LARS2: variants seen among roughly 807,000 people sequenced by gnomAD.
LARS2 encodes leucyl-tRNA synthetase 2, mitochondrial.
A neutral mutation model predicts 116.6 loss-of-function variants in LARS2; 81 were observed. That is an observed-to-expected ratio of 0.69 (90% confidence interval 0.58 to 0.84). The LOEUF is 0.84. Ranked by LOEUF, LARS2 falls within the 40% of genes least tolerant of loss-of-function variation. LARS2 has a pLI of 0.00. For missense variants in LARS2, 968 were observed against 1,114.5 expected, an observed-to-expected ratio of 0.87 and a Z score of 1.87; for synonymous variants, 396 against 407.2, an observed-to-expected ratio of 0.97 and a Z score of 0.33.
chr3:45,401,712 C>T (rs1041633217), intron 4 of LARS2, among the ~76,000 whole-genome samples: 16 of 152,060 alleles, frequency 1.1e-4, no homozygotes, highest in Non-Finnish European at 2.9e-5. Context: ...CCTCGACCTC[C>T]CAGGCTCAAC....
At chr3:45,541,344 C>T (rs989911869) in intron 20 of LARS2, among the ~76,000 whole-genome samples, 3 of 152,088 alleles carry the variant, frequency 2.0e-5, no homozygotes, top group Non-Finnish European at 4.4e-5. Flanking sequence ...GGTTAGGATC[C>T]CCCTGCACGT....
In LARS2 at chr3:45,500,559, T is replaced by A; in HGVS notation, c.1740T>A (p.Asp580Glu). The A allele has an allele frequency of 6.4e-7, 1 of 1,565,856 alleles. No homozygotes were observed. Among genetic ancestry groups the A allele is most frequent in the South Asian group, 1.2e-5 (1 of 82,026 alleles). ...YARFFSHFCH[D>E]QKMVKHREPF... Reference sequence around the variant, plus strand: ...GATTCTTTAGTCATTTTTGCCATGATCAAAAAATGGTTAAACATAGGTAAG... The same window carrying A: ...GATTCTTTAGTCATTTTTGCCATGAACAAAAAATGGTTAAACATAGGTAAG... Residue 580 changes from aspartate to glutamate, a missense_variant, in exon 15 of 22, where the codon GAT becomes GAA. Asp to Glu is a conservative substitution (Grantham distance 45). Transcript: ENST00000645846.
Position 45,419,705 on chromosome 3 carries a change from G to A in LARS2, c.492G>A (p.Leu164=), listed in dbSNP as rs748615580. Residue 164 remains leucine (L), a synonymous_variant, in exon 6 of 22, where the codon CTG becomes CTA. Transcript: ENST00000645846. The stretch of plus-strand genomic sequence containing the variant: ...ACATGAGGAAACAGCTTGATCGTCT[G>A]GGCCTGTGTTTCAGCTGGGATAGGG... ...IKHMRKQLDR[L]GLCFSWDREI... is the part of the protein sequence containing the mutation. The A allele has an allele frequency of 1.2e-6, 2 of 1,613,964 alleles. No homozygotes were observed. Among genetic ancestry groups the A allele is most frequent in the Admixed American group, 1.7e-5 (1 of 60,022 alleles).
At chr3:45,393,678 A>G (rs1334399894) in intron 2 of LARS2, among the ~76,000 whole-genome samples, 1 of 151,532 alleles carries the variant, frequency 6.6e-6, no homozygotes, top group Non-Finnish European at 1.5e-5. Flanking sequence ...TAGTCATTAA[A>G]TATTTGGTGG....
chr3:45,473,356 G>A (rs948303202), intron 8 of LARS2, among the ~76,000 whole-genome samples: 3 of 151,084 alleles, frequency 2.0e-5, no homozygotes, highest in Non-Finnish European at 4.4e-5. Flanking sequence ...CTTTGGGTGC[G>A]TGTGTGTGTG....
intron 6 of LARS2, among the ~76,000 whole-genome samples, chr3:45,436,594 A>G (rs1445042059): frequency 4.0e-5 from 6 of 151,860 alleles, no homozygotes; most frequent in African/African-American, 9.7e-5. Context: ...GGAGATCGAG[A>G]CCATCCTGGC....
At chr3:45,452,820 A>C (rs898703107) in intron 7 of LARS2, among the ~76,000 whole-genome samples, 1 of 152,096 alleles carries the variant, frequency 6.6e-6, no homozygotes. Flanking sequence ...TCTTTGATGG[A>C]GGACTTTATA....
chr3:45,431,328 T>C (rs1327075836), intron 6 of LARS2, among the ~76,000 whole-genome samples: 1 of 152,236 alleles, frequency 6.6e-6, no homozygotes, highest in Non-Finnish European at 1.5e-5. Context: ...TACTTTTTGT[T>C]TTCTATATAA....
chr3:45,460,728 A>T (rs1699303169), intron 8 of LARS2, among the ~76,000 whole-genome samples: 1 of 152,224 alleles, frequency 6.6e-6, no homozygotes, highest in South Asian at 2.1e-4. Context: ...AGACACAGAC[A>T]TGAGGGGGCT....
chr3:45,423,397 C>T (rs999415582), intron 6 of LARS2, among the ~76,000 whole-genome samples: 1 of 152,156 alleles, frequency 6.6e-6, no homozygotes, highest in African/African-American at 2.4e-5. Context: ...ATTGTAACCT[C>T]TGCCTCCCAG....
At chr3:45,528,711 A>G (rs955201896) in intron 20 of LARS2, among the ~76,000 whole-genome samples, 1 of 152,198 alleles carries the variant, frequency 6.6e-6, no homozygotes, top group African/African-American at 2.4e-5. Context: ...CATTTAGCAT[A>G]ATGCTTTTGA....
At chr3:45,463,370 C>A (rs186789196) in intron 8 of LARS2, among the ~76,000 whole-genome samples, 1 of 152,210 alleles carries the variant, frequency 6.6e-6, no homozygotes, top group Non-Finnish European at 1.5e-5. Context: ...GCTTAGTCAA[C>A]CCCCATACCA....
chr3:45,536,716 A>C (rs1448089072), intron 20 of LARS2, among the ~76,000 whole-genome samples: 4 of 152,192 alleles, frequency 2.6e-5, no homozygotes, highest in African/African-American at 9.6e-5. Context: ...TAAATTGAAA[A>C]GCATGTCTAT....
In LARS2 at chr3:45,547,501, G is replaced by A. The variant is rs1288097820; in HGVS notation, c.2683G>A (p.Ala895Thr). 6.2e-7 allele frequency: 1 copy of A among 1,608,718 alleles called. No homozygotes were observed. Among genetic ancestry groups the A allele is most frequent in the East Asian group, 2.2e-5 (1 of 44,586 alleles). The part of the protein sequence containing the change: ...IKKSFLSPRT[A>T]LINFLVQD ...GAAGTCCTTCCTTTCCCCGAGAACTGCCCTCATCAACTTCCTGGTGCAAGA... is the reference window on the plus strand; with the variant it reads ...GAAGTCCTTCCTTTCCCCGAGAACTACCCTCATCAACTTCCTGGTGCAAGA... Residue 895 changes from alanine (A) to threonine (T), a missense_variant, in exon 22 of 22, where the codon GCC becomes ACC. By Grantham distance (58) the Ala-to-Thr change is moderately conservative (BLOSUM62 0). Coordinates refer to ENST00000645846, the MANE Select transcript of LARS2 (RefSeq NM_015340.4).
At chr3:45,510,066 G>A (rs542320721) in intron 15 of LARS2, among the ~76,000 whole-genome samples, 33 of 151,984 alleles carry the variant, frequency 2.2e-4, no homozygotes, top group Non-Finnish European at 4.0e-4. Context: ...TGAGTTCAAG[G>A]CAATTAACAT....
intron 9 of LARS2, among the ~76,000 whole-genome samples, chr3:45,475,480 G>A (rs888721776): frequency 7.9e-5 from 12 of 152,192 alleles, no homozygotes; most frequent in South Asian, 2.1e-4. Context: ...AATCTGCAAG[G>A]CCATCTCTTT....
intron 7 of LARS2, among the ~76,000 whole-genome samples, chr3:45,451,311 T>G (rs946889342): frequency 1.3e-5 from 2 of 152,174 alleles, no homozygotes; most frequent in African/African-American, 4.8e-5. Context: ...CCCTAATGTT[T>G]TATTCTACTA....
intron 20 of LARS2, 128 bp downstream of exon 20, chr3:45,524,236 A>C (rs2125759275): frequency 1.6e-6 from 1 of 635,284 alleles, no homozygotes; most frequent in Non-Finnish European, 2.8e-6. Context: ...TATACTCAGC[A>C]ACCTCTCTGT....
At chr3:45,481,424 A>T (rs545510802) in intron 10 of LARS2, among the ~76,000 whole-genome samples, 1 of 152,304 alleles carries the variant, frequency 6.6e-6, no homozygotes, top group East Asian at 1.9e-4. Flanking sequence ...GAACTGCCAG[A>T]CTATTTTCCA....
Sources: allele counts gnomAD v4.1 joint callset (sites outside exome capture counted in the v4.1 genomes callset), GRCh38; gene constraint gnomAD v4.1.1; transcripts MANE v1.5; gene names NCBI Gene and HGNC (gene_info 2026-07-23, HGNC 2026-07-21).